Variants in PDLIM4 observed in about 807,000 individuals in gnomAD.
PDLIM4 encodes PDZ and LIM domain protein 4.
A neutral mutation model predicts 31.3 loss-of-function variants in PDLIM4; 19 were observed. The ratio of observed to expected loss-of-function variants is 0.61; its 90% confidence interval spans 0.42 to 0.89. The LOEUF is 0.89. Ranked by LOEUF, PDLIM4 falls within the 40% of genes least tolerant of loss-of-function variation. The pLI, the probability that PDLIM4 is intolerant of heterozygous loss-of-function variation, is 0.00. For synonymous variants in PDLIM4, 176 were observed against 190.1 expected (o/e 0.93, Z 0.61); for missense variants, 442 against 461.1 (o/e 0.96, Z 0.38).
At position 132,273,433 on chromosome 5, in the gene PDLIM4, A is replaced by G. The variant is rs559281630; in HGVS notation, c.*1204A>G. 7 of 152,318 alleles carry G rather than the reference A, an allele frequency of 4.6e-5. No homozygotes were observed. The highest frequency in any genetic ancestry group is 6.5e-5 in the Admixed American group (1 of 15,302). 9.4% of individuals were successfully genotyped at this position (152,318 alleles called of 1,614,324 possible). A position where few individuals can be genotyped will look rare whatever the true frequency, so the allele number is the denominator to read the frequency against. ...CATTTTTGCCAGTCTGTTAAGTAAAATGTCATATGCGTTTGTTTTAATTTG... is the reference window on the plus strand; with the variant it reads ...CATTTTTGCCAGTCTGTTAAGTAAAGTGTCATATGCGTTTGTTTTAATTTG... On this transcript the variant is annotated 3_prime_UTR_variant, in exon 7 of 7. Transcript: ENST00000253754.
intron 1 of PDLIM4, among the ~76,000 whole-genome samples, chr5:132,258,598 C>T (rs528166463): frequency 1.3e-5 from 2 of 152,200 alleles, no homozygotes; most frequent in African/African-American, 2.4e-5. Flanking sequence ...AGGCCCTGTT[C>T]GAGGGGGTGC....
intron 4 of PDLIM4, 76 bp from the exon 5 acceptor site, chr5:132,271,227 C>A: frequency 1.3e-6 from 2 of 1,514,672 alleles, no homozygotes; most frequent in South Asian, 2.5e-5. Flanking sequence ...GACTCATAAG[C>A]CTTACCAGAC....
intron 1 of PDLIM4, among the ~76,000 whole-genome samples, chr5:132,259,511 T>C (rs894171429): frequency 2.0e-5 from 3 of 152,120 alleles, no homozygotes; most frequent in African/African-American, 7.2e-5. Context: ...CGGCAGCAGC[T>C]CAGGCCCAAG....
chr5:132,272,182 T>C lies in PDLIM4; in HGVS notation c.946T>C (p.Tyr316His). The change falls in exon 7 of 7, where the codon TAC becomes CAC. Residue 316 changes from tyrosine to histidine, a missense_variant. Physicochemically the swap from Tyr to His is moderately conservative, Grantham distance 83. Coordinates refer to ENST00000253754, the MANE Select transcript of PDLIM4 (RefSeq NM_003687.4). ...GGCGCGCGTGAAGCCGCCCGAGGGC[T>C]ACGACGTGGTGGCGGTGTACCCCAA... ...AKARVKPPEG[Y>H]DVVAVYPNAK... 2 of 1,614,232 alleles carry C rather than the reference T, an allele frequency of 1.2e-6. No homozygotes were observed. The highest frequency in any genetic ancestry group is 1.7e-6 in the Non-Finnish European group (2 of 1,180,038).
rs879216601 is a variant in PDLIM4 at position 132,273,068 on chromosome 5, T to C, written c.*839T>C. 6.6e-6 allele frequency: 1 copy of C among 152,294 alleles called. No homozygotes were observed. Among genetic ancestry groups the C allele is most frequent in the South Asian group, 2.1e-4 (1 of 4,810 alleles). The allele number at this position is 152,294 out of a possible 1,614,324, so 9.4% of individuals were successfully genotyped here. ...TCCTCGAAGTCCCGGCTTCCACCCC[T>C]CTCCTCAGAGTCCCGGCGTTTACCT... On this transcript the variant is annotated 3_prime_UTR_variant, in exon 7 of 7. Coordinates refer to ENST00000253754, the MANE Select transcript of PDLIM4 (RefSeq NM_003687.4).
chr5:132,271,677 C>A, intron 5 of PDLIM4, 114 bp from the exon 6 acceptor site: 1 of 979,354 alleles, frequency 1.0e-6, no homozygotes, highest in Non-Finnish European at 1.7e-6. Context: ...GCCCGCCAAA[C>A]CCGTTCCCCA....
At chr5:132,266,986 T>C (rs571422601) in intron 3 of PDLIM4, among the ~76,000 whole-genome samples, 1 of 152,192 alleles carries the variant, frequency 6.6e-6, no homozygotes, top group African/African-American at 2.4e-5. Flanking sequence ...CCTGAAGTTC[T>C]CTCCTGGCCA....
intron 3 of PDLIM4, chr5:132,270,410 C>T (rs1756579112): frequency 6.4e-6 from 1 of 156,162 alleles, no homozygotes; most frequent in Non-Finnish European, 1.4e-5. Context: ...GGACACATGA[C>T]AGTCAAGGAC....
intron 2 of PDLIM4, among the ~76,000 whole-genome samples, chr5:132,264,905 T>G (rs556626006): frequency 6.6e-6 from 1 of 151,656 alleles, no homozygotes; most frequent in South Asian, 2.1e-4. Flanking sequence ...AGAGCTCTAA[T>G]CCCCCCACCA....
chr5:132,271,248 C>A, intron 4 of PDLIM4, 55 bp from the exon 5 acceptor site: 1 of 1,544,242 alleles, frequency 6.5e-7, no homozygotes, highest in South Asian at 1.2e-5. Flanking sequence ...CCCAAGTCCA[C>A]AGGGTGAAGG....
At position 132,257,821 on chromosome 5, in the gene PDLIM4, C is replaced by T; in HGVS notation, c.87C>T (p.Ile29=). 1 of 1,492,168 alleles carries T rather than the reference C, an allele frequency of 6.7e-7. No homozygotes were observed. Among genetic ancestry groups the T allele is most frequent in the Non-Finnish European group, 8.9e-7 (1 of 1,121,916 alleles). The allele number at this position is 1,492,168 out of a possible 1,614,324, so 92.4% of individuals were successfully genotyped here. The change falls in exon 1 of 7, where the codon ATC becomes ATT. Residue 29 remains isoleucine, a synonymous_variant. Transcript: ENST00000253754. The surrounding 1 kb of genome is among the most constrained non-coding windows in gnomAD (Gnocchi z 4.3). ...GGGACTTCAGCGCGCCCCTCACCAT[C>T]TCACGGGTGAGTCTGGCGGCTGCGT... ...GGRDFSAPLT[I]SRVHAGSKAA...
intron 3 of PDLIM4, chr5:132,270,448 GT>G (rs149064369): frequency 0.016 from 2,571 of 164,010 alleles, 79 homozygotes; most frequent in African/African-American, 0.057. Context: ...CAGGAGTTAC[GT>G]TTTTTGAGTT....
At chr5:132,258,226 T>A (rs564116225) in intron 1 of PDLIM4, among the ~76,000 whole-genome samples, 1 of 152,328 alleles carries the variant, frequency 6.6e-6, no homozygotes, top group African/African-American at 2.4e-5. Context: ...CCCCTTCCCC[T>A]ATCAGGGGTC....
intron 1 of PDLIM4, among the ~76,000 whole-genome samples, chr5:132,259,187 TTG>T (rs1043085705): frequency 1.4e-5 from 2 of 144,276 alleles, no homozygotes; most frequent in Non-Finnish European, 3.1e-5. Context: ...CTGTGTCTGC[TTG>T]TGTGTGTCAT....
chr5:132,260,617 C>T (rs114772815), intron 1 of PDLIM4, among the ~76,000 whole-genome samples: 2 of 152,168 alleles, frequency 1.3e-5, no homozygotes, highest in African/African-American at 2.4e-5. Flanking sequence ...TCCCTTACCC[C>T]CTTTGGAAGA....
chr5:132,271,206 G>A, intron 4 of PDLIM4, 97 bp from the exon 5 acceptor site: 2 of 1,491,340 alleles, frequency 1.3e-6, no homozygotes, highest in Non-Finnish European at 1.8e-6. Flanking sequence ...GGTCTTAGCT[G>A]GTTGCATTCT....
intron 3 of PDLIM4, among the ~76,000 whole-genome samples, chr5:132,269,393 G>C (rs1187337005): frequency 6.6e-6 from 1 of 151,388 alleles, no homozygotes; most frequent in African/African-American, 2.4e-5. Context: ...TTAGAGGTCA[G>C]CCCTGCCTGC....
At chr5:132,269,069 T>A (rs75633291) in intron 3 of PDLIM4, among the ~76,000 whole-genome samples, 1 of 152,086 alleles carries the variant, frequency 6.6e-6, no homozygotes, top group East Asian at 1.9e-4. Context: ...CCCCAGCTCA[T>A]AGATAAAGAA....
Position 132,270,479 on chromosome 5 carries a change from A to G in PDLIM4, c.328-436A>G, listed in dbSNP as rs139114042. ...TGAGTTCCCAGCCATGGGCCTACCC[A>G]GTACCCACCACAGTTCAGGAAGGTG... is the stretch of plus-strand genomic sequence containing the variant. On this transcript the variant is annotated intron_variant, in intron 3 of 6. Coordinates refer to ENST00000253754, the MANE Select transcript of PDLIM4 (RefSeq NM_003687.4). 906 of 204,870 alleles carry G rather than the reference A, an allele frequency of 4.4e-3. 10 individuals carry two copies. Among genetic ancestry groups the G allele is most frequent in the African/African-American group, 0.019 (813 of 43,692 alleles). 12.7% of individuals were successfully genotyped at this position (204,870 alleles called of 1,614,324 possible).
Sources: allele counts gnomAD v4.1 joint callset (sites outside exome capture counted in the v4.1 genomes callset), GRCh38; gene constraint gnomAD v4.1.1; non-coding constraint Gnocchi (gnomAD v3.1); transcripts MANE v1.5; gene names NCBI Gene and HGNC (gene_info 2026-07-23, HGNC 2026-07-21).